Variants in SAMD12 observed in about 807,000 individuals in gnomAD.
SAMD12 encodes the protein sterile alpha motif domain containing 12.
Under a neutral mutation model 15.0 loss-of-function variants are expected in SAMD12, and 9 were observed. The observed-to-expected ratio is 0.60, with a 90% CI of 0.36 to 1.05. SAMD12 has a LOEUF of 1.05. Among genes scored for constraint, SAMD12 ranks in the 50% least tolerant of loss-of-function variants. The probability of loss-of-function intolerance (pLI) is 0.01; values close to 1 mark genes in which losing one functional copy is unlikely to be tolerated. For missense variants in SAMD12, 230 were observed against 234.2 expected, an observed-to-expected ratio of 0.98 and a Z score of 0.12; for synonymous variants, 86 against 90.1, an observed-to-expected ratio of 0.96 and a Z score of 0.25.
At chr8:118,277,979 A>G (rs1307205118) in intron 4 of SAMD12, among the ~76,000 whole-genome samples, 1 of 152,208 alleles carries the variant, frequency 6.6e-6, no homozygotes, top group Non-Finnish European at 1.5e-5. Context: ...AATTCTGCTA[A>G]TTGGTAGCAC....
chr8:118,516,609 T>C (rs1276671387), intron 2 of SAMD12, among the ~76,000 whole-genome samples: 2 of 151,764 alleles, frequency 1.3e-5, no homozygotes, highest in East Asian at 3.9e-4. Flanking sequence ...CTTGTGACTC[T>C]TTGCTGTTGT....
chr8:118,147,589 T>C, the SAMD12 span, among the ~76,000 whole-genome samples: 1 of 152,122 alleles, frequency 6.6e-6, no homozygotes, highest in African/African-American at 2.4e-5. Flanking sequence ...CTCAAACTCC[T>C]GACTTCATGA....
intron 4 of SAMD12, among the ~76,000 whole-genome samples, chr8:118,306,419 G>C (rs1391976711): frequency 6.6e-6 from 1 of 152,166 alleles, no homozygotes; most frequent in Non-Finnish European, 1.5e-5. Flanking sequence ...CAGATGTGCT[G>C]GATGGATGAC....
At chr8:118,202,523 C>T (rs1188146440) in intron 4 of SAMD12, among the ~76,000 whole-genome samples, 1 of 152,164 alleles carries the variant, frequency 6.6e-6, no homozygotes, top group Non-Finnish European at 1.5e-5. Flanking sequence ...CAGTGGCCAG[C>T]TTGGCAAAAG....
intron 2 of SAMD12, among the ~76,000 whole-genome samples, chr8:118,519,210 G>C (rs1241624546): frequency 6.6e-6 from 1 of 152,160 alleles, no homozygotes; most frequent in East Asian, 1.9e-4. Context: ...GGAGGTCTGT[G>C]GTTCTCTACA....
chr8:118,550,188 A>T (rs566209026), intron 2 of SAMD12, among the ~76,000 whole-genome samples: 55 of 152,250 alleles, frequency 3.6e-4, no homozygotes, highest in African/African-American at 1.3e-3. Flanking sequence ...CGCCACAAAG[A>T]TACTCCTTGA....
intron 4 of SAMD12, among the ~76,000 whole-genome samples, chr8:118,299,832 T>TTTG (rs915613624): frequency 2.0e-5 from 3 of 151,948 alleles, no homozygotes; most frequent in East Asian, 3.9e-4. Context: ...AACTTAGTTT[T>TTTG]TTGTTGTTGT....
chr8:118,583,331 A>G (rs1372624542), intron 1 of SAMD12, among the ~76,000 whole-genome samples: 1 of 152,194 alleles, frequency 6.6e-6, no homozygotes, highest in Non-Finnish European at 1.5e-5. Context: ...CAGCTTCTCC[A>G]TCTCCAAAGA....
In SAMD12 at chr8:118,572,510, G is replaced by A. The variant is rs548692346; in HGVS notation, c.192+8205C>T. On this transcript the variant is annotated intron_variant, in intron 2 of 3. Transcript: ENST00000314727. ...CTTCAATTCCCATGTGTTGCAGGAG[G>A]GACATAGTGGGAGGTAACTGAATCA... is the stretch of plus-strand genomic sequence containing the variant. 5.9e-5 allele frequency among the ~76,000 whole-genome samples: 9 copies of A among 152,224 alleles called. No individual in the cohort carries two copies. The South Asian group carries it at 1.7e-3, about 28-fold the overall frequency.
intron 4 of SAMD12, among the ~76,000 whole-genome samples, chr8:118,324,805 T>TG (rs1816483623): frequency 6.6e-6 from 1 of 152,082 alleles, no homozygotes; most frequent in Admixed American, 6.6e-5. Flanking sequence ...CAGAGTCCAC[T>TG]GGGGGAGAAG....
At chr8:118,590,754 G>A (rs922707942) in intron 1 of SAMD12, among the ~76,000 whole-genome samples, 3 of 152,040 alleles carry the variant, frequency 2.0e-5, no homozygotes, top group Non-Finnish European at 2.9e-5. Flanking sequence ...CTCATAACCA[G>A]GAAGATACCA....
At chr8:118,395,066 T>A (rs960089036) in intron 3 of SAMD12, 2 of 152,136 alleles carry the variant, frequency 1.3e-5, no homozygotes, top group Non-Finnish European at 2.9e-5. Context: ...ATAGGAATAT[T>A]TATGAAGATT....
At chr8:118,587,841 A>G (rs2131272806) in intron 1 of SAMD12, among the ~76,000 whole-genome samples, 1 of 152,326 alleles carries the variant, frequency 6.6e-6, no homozygotes, top group East Asian at 1.9e-4. Flanking sequence ...GTCTTCTACA[A>G]CTTTCAGATG....
rs75018954 is a variant in SAMD12, at chr8:118,567,926, A to G, written c.192+12789T>C. On this transcript the variant is annotated intron_variant, in intron 2 of 3. Coordinates refer to ENST00000314727, the MANE Select transcript of SAMD12 (RefSeq NM_207506.3). ...TAAATGTATCCTATTATAAGAATTC[A>G]TTCAAACAAATAGTTGAGTCCTTCC... 3.1e-3 allele frequency among the ~76,000 whole-genome samples: 479 copies of G among 152,358 alleles called. 3 individuals are homozygous for G. The highest frequency in any genetic ancestry group is 0.011 in the African/African-American group (468 of 41,590).
the SAMD12 span, among the ~76,000 whole-genome samples, chr8:118,139,011 C>G: frequency 6.6e-6 from 1 of 152,250 alleles, no homozygotes; most frequent in South Asian, 2.1e-4. Context: ...ACTTAACAGC[C>G]AAGGAGACTG....
At chr8:118,171,577 G>C in the SAMD12 span, among the ~76,000 whole-genome samples, 1 of 152,124 alleles carries the variant, frequency 6.6e-6, no homozygotes, top group African/African-American at 2.4e-5. Context: ...AAATAAGTTG[G>C]TAGCAAGAGA....
rs1262808740 is a variant in SAMD12 at position 118,258,613 on chromosome 8, C to A, written c.434-60881G>T. On this transcript the variant is annotated intron_variant, in intron 4 of 4. Coordinates refer to the SAMD12 transcript ENST00000409003. ...AGATCATATACCTGATCCATTACCC[C>A]CCCTCATATGATTTCTACATGGAAG... 2.0e-5 allele frequency among the ~76,000 whole-genome samples: 3 copies of A among 152,026 alleles called. No individual in the cohort carries two copies. The South Asian group carries it at 6.2e-4, about 32-fold the overall frequency.
chr8:118,373,758 C>G (rs1222344838), downstream of SAMD12, among the ~76,000 whole-genome samples: 1 of 152,138 alleles, frequency 6.6e-6, no homozygotes, highest in Non-Finnish European at 1.5e-5. Context: ...TTACTTGCCA[C>G]TGTTTTCTAT....
At chr8:118,595,593 G>T (rs774447542) in intron 1 of SAMD12, among the ~76,000 whole-genome samples, 2 of 152,190 alleles carry the variant, frequency 1.3e-5, no homozygotes, top group Non-Finnish European at 2.9e-5. Context: ...TGCCTCCTTG[G>T]CTACTGCTGA....
Sources: allele counts gnomAD v4.1 joint callset (sites outside exome capture counted in the v4.1 genomes callset), GRCh38; gene constraint gnomAD v4.1.1; transcripts MANE v1.5; gene names NCBI Gene and HGNC (gene_info 2026-07-23, HGNC 2026-07-21).